The following RELN variants were observed in gnomAD, a reference collection of about 807,000 sequenced individuals.
RELN encodes the protein reelin.
Under a neutral mutation model 427.6 loss-of-function variants are expected in RELN, and 108 were observed. The observed-to-expected ratio is 0.25, with a 90% confidence interval of 0.22 to 0.30. The LOEUF (loss-of-function observed/expected upper bound fraction) is 0.30. Among genes scored for constraint, RELN ranks in the 10% least tolerant of loss-of-function variants. The probability of loss-of-function intolerance (pLI) is 1.00; values close to 1 mark genes in which losing one functional copy is unlikely to be tolerated. For synonymous variants in RELN, 1,524 were observed against 1,513.4 expected, an observed-to-expected ratio of 1.01 and a Z score of -0.16; for missense variants, 3,715 against 4,302.8, an observed-to-expected ratio of 0.86 and a Z score of 3.82.
At chr7:103,521,988 A>T in intron 48 of RELN, 34 bp downstream of exon 48, 1 of 1,609,530 alleles carries the variant, frequency 6.2e-7, no homozygotes, top group Non-Finnish European at 8.5e-7. Context: ...ACTTAAGAAG[A>T]GCAGAAATGA....
intron 2 of RELN, among the ~76,000 whole-genome samples, chr7:103,884,529 T>C (rs1225575891): frequency 6.6e-6 from 1 of 152,032 alleles, no homozygotes; most frequent in Non-Finnish European, 1.5e-5. Flanking sequence ...TTGCAATCTG[T>C]CCATCTGACA....
In RELN at chr7:103,874,566, GACAA is replaced by G. The variant is rs1379030147; in HGVS notation, c.338-40898_338-40895del. Among the ~76,000 whole-genome samples, 34 of 145,932 alleles carry G rather than the reference GACAA, an allele frequency of 2.3e-4. No homozygotes were observed. In the South Asian group the frequency reaches 4.8e-3, roughly 20 times the overall value. On this transcript the variant is annotated intron_variant, in intron 2 of 64. Transcript: ENST00000428762. ...CAAGCATTCTGATACACCAACAACA[GACAA>G]ACAGAGAGCCAAATTATGAGTGAAC...
rs1436906683 is a variant in RELN, at chr7:103,737,833, A to G, written c.657-9626T>C. ...GTCTTTTCTTGATTCTAGCAATCCA[A>G]TGCAATGCCAATCATGGCTTTAGCT... On this transcript the variant is annotated intron_variant, in intron 6 of 64. Transcript: ENST00000428762. 3.3e-5 allele frequency among the ~76,000 whole-genome samples: 5 copies of G among 152,274 alleles called. 1 individual carries two copies. The South Asian group carries it at 8.3e-4, about 25-fold the overall frequency.
intron 2 of RELN, among the ~76,000 whole-genome samples, chr7:103,874,762 T>G (rs918185332): frequency 1.3e-5 from 2 of 150,564 alleles, no homozygotes; most frequent in Non-Finnish European, 1.5e-5. Context: ...GAATCAATAT[T>G]GTGAAAATGG....
At chr7:103,490,536 G>A in intron 59 of RELN, 132 bp downstream of exon 59, 1 of 946,792 alleles carries the variant, frequency 1.1e-6, no homozygotes, top group Non-Finnish European at 1.7e-6. Context: ...GAGAAAAGGA[G>A]GGAAGATGGG....
chr7:103,927,262 C>T (rs2116698878), intron 1 of RELN, among the ~76,000 whole-genome samples: 1 of 152,262 alleles, frequency 6.6e-6, no homozygotes, highest in South Asian at 2.1e-4. Flanking sequence ...TAATGATGAA[C>T]CATCTGTATG....
chr7:103,752,188 C>T (rs922895074), intron 5 of RELN, among the ~76,000 whole-genome samples: 17 of 152,172 alleles, frequency 1.1e-4, no homozygotes, highest in African/African-American at 3.6e-4. Context: ...ATTAATTCTA[C>T]TTTGCAGATG....
Position 103,472,433 on chromosome 7 carries a change from A to C in RELN, c.*379T>G, listed in dbSNP as rs1389884203. On this transcript the variant is annotated 3_prime_UTR_variant, in exon 65 of 65. Coordinates refer to ENST00000428762, the MANE Select transcript of RELN (RefSeq NM_005045.4). ...ACATAGCCGAAATACAGTCCACTTA[A>C]ATAGCTTTGTGACCAAGAATGTTAA... 3.6e-6 allele frequency: 1 copy of C among 280,876 alleles called. No homozygotes were observed. The highest frequency in any genetic ancestry group is 6.9e-6 in the Non-Finnish European group (1 of 145,306). 17.4% of individuals were successfully genotyped at this position (280,876 alleles called of 1,614,324 possible).
rs1288993333 is a variant in RELN, at chr7:103,483,699, G to A, written c.10135C>T (p.Pro3379Ser). 1.2e-6 allele frequency: 2 copies of A among 1,614,138 alleles called. No individual in the cohort carries two copies. The highest frequency in any genetic ancestry group is 1.6e-4 in the Middle Eastern group (1 of 6,062). The change falls in exon 62 of 65, where the codon CCA (proline) becomes TCA (serine). Residue 3379 changes from proline to serine, a missense_variant. By Grantham distance (74) the Pro-to-Ser change is moderately conservative. Transcript: ENST00000428762. ...ITWHVIAQHQPKDFTQAQRVS... is the reference protein window; with the variant it reads ...ITWHVIAQHQSKDFTQAQRVS... ...CTCTGAGCTTGTGTGAAGTCCTTTG[G>A]CTGGTGCTGGGCGATGACATGCCAG...
intron 4 of RELN, among the ~76,000 whole-genome samples, chr7:103,768,598 G>A (rs1331494802): frequency 1.3e-5 from 2 of 152,140 alleles, no homozygotes; most frequent in African/African-American, 2.4e-5. Flanking sequence ...TTTTTCAATT[G>A]TAAAATGTTT....
Position 103,652,648 on chromosome 7 carries a change from C to T in RELN, c.1666G>A (p.Asp556Asn), listed in dbSNP as rs1469378355. 1 of 1,612,812 alleles carries T rather than the reference C, an allele frequency of 6.2e-7. No individual in the cohort carries two copies. Among genetic ancestry groups the T allele is most frequent in the Non-Finnish European group, 8.5e-7 (1 of 1,179,298 alleles). The change falls in exon 14 of 65, where the codon GAC (aspartate) becomes AAC (asparagine). Residue 556 changes from aspartate (D) to asparagine (N), a missense_variant. This residue lies in a region of RELN where 2,208 missense variants were observed against 2,361.7 expected (regional missense o/e 0.93). Transcript: ENST00000428762. ...QGHNRNVWAV[D>N]FFHVLPVLPS... ...AGAACAGGCAAGACATGGAAAAAGT[C>T]TACAGCCCAGACATTCCTATTATGT...
intron 1 of RELN, among the ~76,000 whole-genome samples, chr7:103,928,742 C>A (rs1219778185): frequency 6.6e-6 from 1 of 152,094 alleles, no homozygotes; most frequent in Non-Finnish European, 1.5e-5. Flanking sequence ...TCATGTATGC[C>A]AGAGAATTTT....
intron 2 of RELN, among the ~76,000 whole-genome samples, chr7:103,890,316 C>A (rs1238983202): frequency 6.6e-6 from 1 of 151,954 alleles, no homozygotes; most frequent in Non-Finnish European, 1.5e-5. Context: ...GGGATTCACA[C>A]TATAACAGGT....
intron 3 of RELN, among the ~76,000 whole-genome samples, chr7:103,781,441 A>T (rs917174743): frequency 6.6e-6 from 1 of 152,316 alleles, no homozygotes; most frequent in Non-Finnish European, 1.5e-5. Flanking sequence ...TAAAAATTAC[A>T]TTGACAGATA....
chr7:103,532,562 C>T lies in RELN; in HGVS notation c.7349+2754G>A, dbSNP rs569384949. On this transcript the variant is annotated intron_variant, in intron 46 of 64. Transcript: ENST00000428762. ...TTTAAGTGTTCCTATAATGAACCTC[C>T]AAATCTTTAATACAACCTACAATGC... Among the ~76,000 whole-genome samples, 9 of 152,222 alleles carry T rather than the reference C, an allele frequency of 5.9e-5. No homozygotes were observed. In the East Asian group the frequency reaches 9.6e-4, roughly 16 times the overall value.
At position 103,487,757 on chromosome 7, in the gene RELN, A is replaced by G. The variant is rs544216653; in HGVS notation, c.9764-1341T>C. On this transcript the variant is annotated intron_variant, in intron 60 of 64. Transcript: ENST00000428762. The stretch of plus-strand genomic sequence containing the variant: ...TAGCATGATTTGTTGTAGAAAATAC[A>G]GGTTAATGTACACTTGATGATTCTT... Among the ~76,000 whole-genome samples the G allele has an allele frequency of 1.7e-3, 259 of 152,342 alleles. 1 individual carries two copies. The highest frequency in any genetic ancestry group is 3.4e-3 in the Middle Eastern group (1 of 294).
intron 10 of RELN, among the ~76,000 whole-genome samples, chr7:103,682,814 G>C (rs1439692095): frequency 1.3e-5 from 2 of 152,058 alleles, no homozygotes; most frequent in East Asian, 3.9e-4. Context: ...TTTCTGACCA[G>C]ACCTAAAAAG....
At chr7:103,808,416 G>C (rs262380) in intron 3 of RELN, among the ~76,000 whole-genome samples, 11 of 152,014 alleles carry the variant, frequency 7.2e-5, no homozygotes, top group South Asian at 6.2e-4. Flanking sequence ...TATAATAATA[G>C]AAAACAAAAC....
At chr7:103,519,665 C>T (rs1013068626) in intron 48 of RELN, 149 bp from the exon 49 acceptor site, 1 of 642,480 alleles carries the variant, frequency 1.6e-6, no homozygotes, top group Admixed American at 2.6e-5. Context: ...TCACTGCAGC[C>T]TTGACCTCCT....
Sources: allele counts gnomAD v4.1 joint callset (sites outside exome capture counted in the v4.1 genomes callset), GRCh38; gene constraint gnomAD v4.1.1; regional missense constraint gnomAD v4.1.1; transcripts MANE v1.5; gene names NCBI Gene and HGNC (gene_info 2026-07-23, HGNC 2026-07-21).